The following MIB2 variants were observed in gnomAD, a reference collection of about 807,000 sequenced individuals.
The protein encoded by MIB2 is MIB E3 ubiquitin protein ligase 2, also known as E3 ubiquitin-protein ligase MIB2.
Under a neutral mutation model 96.6 loss-of-function variants are expected in MIB2, and 78 were observed. That is an observed-to-expected ratio of 0.81 (90% confidence interval 0.67 to 0.97). The LOEUF (loss-of-function observed/expected upper bound fraction) is 0.97, where lower values mean the gene tolerates loss of function less well. Among genes scored for constraint, MIB2 ranks in the 50% least tolerant of loss-of-function variants. The pLI is 0.00. For synonymous variants in MIB2, 820 were observed against 629.5 expected (o/e 1.30, Z -4.53); for missense variants, 1,543 against 1,424.0 (o/e 1.08, Z -1.35).
At chr1:1,615,675 G>A (rs1643544765) in intron 1 of MIB2, 42 bp downstream of exon 1, 2 of 1,535,174 alleles carry the variant, frequency 1.3e-6, no homozygotes, top group Non-Finnish European at 8.7e-7. Context: ...CCTCCGCACC[G>A]TCCCCGAGTC....
intron 2 of MIB2, among the ~76,000 whole-genome samples, chr1:1,621,327 C>T (rs375635638): frequency 3.9e-5 from 6 of 152,334 alleles, no homozygotes; most frequent in East Asian, 3.9e-4. Flanking sequence ...GCCGCTCATG[C>T]GGAGGCCCAG....
At position 1,625,809 on chromosome 1, in the gene MIB2, G is replaced by T; in HGVS notation, c.972+156G>T. ...GGGAGGGACTGGTGGGTGGAGGTGG[G>T]TGGGGTCAAGGAGAAGAGGGGGTTG... On this transcript the variant is annotated intron_variant, in intron 8 of 19. Transcript: ENST00000355826. This position sits in a 1 kb window ranked among gnomAD's most constrained non-coding sequence, Gnocchi z 5.0. The T allele has an allele frequency of 3.2e-6, 2 of 632,978 alleles. No individual in the cohort carries two copies. The highest frequency in any genetic ancestry group is 5.5e-6 in the Non-Finnish European group (2 of 361,610). 39.2% of individuals were successfully genotyped at this position (632,978 alleles called of 1,614,324 possible).
intron 2 of MIB2, among the ~76,000 whole-genome samples, chr1:1,621,416 C>G (rs1011726409): frequency 1.6e-4 from 24 of 152,262 alleles, no homozygotes; most frequent in African/African-American, 5.8e-4. Context: ...CACGGGACCC[C>G]TCTCCTTGTC....
At position 1,615,514 on chromosome 1, in the gene MIB2, A is replaced by C; in HGVS notation, c.-249A>C. 9 of 1,529,712 alleles carry C rather than the reference A, an allele frequency of 5.9e-6. No individual in the cohort carries two copies. The highest frequency in any genetic ancestry group is 2.5e-5 in the East Asian group (1 of 40,172). 94.8% of individuals were successfully genotyped at this position (1,529,712 alleles called of 1,614,324 possible). On this transcript the variant is annotated 5_prime_UTR_variant, in exon 1 of 20. Transcript: ENST00000355826. Reference sequence around the variant, plus strand: ...CCTGGGCTCCCGCCCTTCGGGTCCCACAGTTTCCAGCCGCCGCTCTCCTCA... The same window carrying C: ...CCTGGGCTCCCGCCCTTCGGGTCCCCCAGTTTCCAGCCGCCGCTCTCCTCA...
chr1:1,615,732 G>C (rs1463234157), intron 1 of MIB2, 99 bp downstream of exon 1: 1 of 1,485,222 alleles, frequency 6.7e-7, no homozygotes, highest in Non-Finnish European at 8.9e-7. Context: ...TCCCGCTCCC[G>C]CTGGCCCAGC....
rs567371835 is a variant in MIB2 at position 1,627,332 on chromosome 1, G to T, written c.1411G>T (p.Val471Leu). The T allele has an allele frequency of 4.0e-5, 64 of 1,613,192 alleles. No homozygotes were observed. The East Asian group carries it at 1.3e-3, about 33-fold the overall frequency. Residue 471 changes from valine (V) to leucine (L), a missense_variant, in exon 12 of 20, where the codon GTG becomes TTG. By Grantham distance (32) the Val-to-Leu change is conservative. Transcript: ENST00000355826. ...TKNQGRTALQ[V>L]AAYLGQVELI... ...GAACCAAGGCAGGACCGCTCTGCAAGTGGCTGCCTACCTGGGCCAGGTGGA... is the reference window on the plus strand; with the variant it reads ...GAACCAAGGCAGGACCGCTCTGCAATTGGCTGCCTACCTGGGCCAGGTGGA...
intron 2 of MIB2, among the ~76,000 whole-genome samples, chr1:1,622,602 C>T (rs1644358715): frequency 6.6e-6 from 1 of 152,238 alleles, no homozygotes; most frequent in South Asian, 2.1e-4. Flanking sequence ...TGAGCTCTGG[C>T]TTGTGCTCTG....
Position 1,626,946 on chromosome 1 carries a change from G to T in MIB2, c.1187G>T (p.Arg396Leu). The change falls in exon 10 of 20, where the codon CGG becomes CTG. Residue 396 changes from arginine to leucine, a missense_variant. Transcript: ENST00000355826. This position sits in a 1 kb window ranked among gnomAD's most constrained non-coding sequence, Gnocchi z 5.3. ...TFSPSCLVAY[R>L]PEEDANLDVA... The stretch of plus-strand genomic sequence containing the variant: ...AGCCCCTCCTGCCTGGTGGCCTACC[G>T]GCCCGAGGAGGATGCCAACCTGGAC... 1 of 1,610,978 alleles carries T rather than the reference G, an allele frequency of 6.2e-7. No individual in the cohort carries two copies. The highest frequency in any genetic ancestry group is 1.1e-5 in the South Asian group (1 of 90,924).
intron 2 of MIB2, among the ~76,000 whole-genome samples, chr1:1,621,446 A>G (rs1471929938): frequency 6.6e-6 from 1 of 152,224 alleles, no homozygotes; most frequent in Non-Finnish European, 1.5e-5. Context: ...CTGGTGCCAC[A>G]GGAAAAGGAA....
rs1430579524 is a variant in MIB2 at position 1,627,569 on chromosome 1, C to T, written c.1524-104C>T. On this transcript the variant is annotated intron_variant, in intron 12 of 19. Transcript: ENST00000355826. ...GGGGTGAGGCCTGGGAGGGGCCCGG[C>T]GGGGCTGAGCCTGTGCGTCCTGGGG... 3.0e-5 allele frequency: 44 copies of T among 1,479,592 alleles called. No homozygotes were observed. In the East Asian group the frequency reaches 5.6e-4, roughly 19 times the overall value. The allele number at this position is 1,479,592 out of a possible 1,614,324, so 91.7% of individuals were successfully genotyped here. A position where few individuals can be genotyped will look rare whatever the true frequency, so the allele number is the denominator to read the frequency against.
intron 2 of MIB2, 21 bp downstream of exon 2, chr1:1,616,635 G>T: frequency 6.4e-7 from 1 of 1,554,990 alleles, no homozygotes; most frequent in East Asian, 2.4e-5. Context: ...GATCGTCCGC[G>T]GCCTGATAGT....
In MIB2 at chr1:1,616,568, C is replaced by T; in HGVS notation, c.-69C>T. ...AAGTTTCCAGGCATCAGGGCTGCAG[C>T]CCAGGAGCCTCAAGGCGGCCCGGCG... On this transcript the variant is annotated 5_prime_UTR_variant, in exon 2 of 20. Transcript: ENST00000355826. 5 of 1,604,300 alleles carry T rather than the reference C, an allele frequency of 3.1e-6. No individual in the cohort carries two copies. Among genetic ancestry groups the T allele is most frequent in the Non-Finnish European group, 4.3e-6 (5 of 1,175,896 alleles).
In MIB2 at chr1:1,625,582, G is replaced by T; in HGVS notation, c.901G>T (p.Asp301Tyr). ...GACGGGCACCGTGCATCGTATCACG[G>T]ACCGCGGGGACGTGCGCGTGCAGTT... Reference protein sequence around the residue: ...GQTGTVHRITDRGDVRVQFNH... With the variant: ...GQTGTVHRITYRGDVRVQFNH... Residue 301 changes from aspartate to tyrosine, a missense_variant, in exon 8 of 20, where the codon GAC (aspartate) becomes TAC (tyrosine). Coordinates refer to ENST00000355826, the MANE Select transcript of MIB2 (RefSeq NM_001170687.4). This position sits in a 1 kb window ranked among gnomAD's most constrained non-coding sequence, Gnocchi z 5.0. The T allele has an allele frequency of 6.3e-7, 1 of 1,584,524 alleles. No individual in the cohort carries two copies.
At position 1,630,513 on chromosome 1, in the gene MIB2, A is replaced by G. The variant is rs773714856; in HGVS notation, c.2851A>G (p.Ile951Val). Residue 951 changes from isoleucine (I) to valine (V), a missense_variant, in exon 20 of 20, where the codon ATC becomes GTC. Physicochemically the swap from Ile to Val is conservative, Grantham distance 29. Coordinates refer to ENST00000355826, the MANE Select transcript of MIB2 (RefSeq NM_001170687.4). Reference protein sequence around the residue: ...PICRQPIRDRIQIFV With the variant: ...PICRQPIRDRVQIFV ...CTGCCGCCAGCCCATCCGCGACCGC[A>G]TCCAGATCTTCGTGTGAGCCGCGCC... is the stretch of plus-strand genomic sequence containing the variant. 2.7e-5 allele frequency: 43 copies of G among 1,587,486 alleles called. No homozygotes were observed. The highest frequency in any genetic ancestry group is 2.6e-6 in the Non-Finnish European group (3 of 1,173,444).
At chr1:1,617,560 C>A (rs376176011) in intron 2 of MIB2, 3 of 152,204 alleles carry the variant, frequency 2.0e-5, no homozygotes, top group African/African-American at 7.2e-5. Flanking sequence ...CCATTTTCTC[C>A]AGCCTGGCTT....
upstream of MIB2, chr1:1,614,061 AAG>A (rs1643398973): frequency 6.8e-6 from 1 of 146,792 alleles, no homozygotes; most frequent in African/African-American, 2.5e-5. Flanking sequence ...ATTAACTCAA[AAG>A]AAAAAAAAAG....
chr1:1,616,472 C>T, intron 1 of MIB2, 36 bp from the exon 2 acceptor site: 1 of 1,447,016 alleles, frequency 6.9e-7, no homozygotes, highest in Non-Finnish European at 9.3e-7. Context: ...GGTCGAGGTG[C>T]TAACTGTGCA....
At chr1:1,617,660 A>C (rs1440019147) in intron 2 of MIB2, 1 of 152,198 alleles carries the variant, frequency 6.6e-6, no homozygotes, top group Non-Finnish European at 1.5e-5. Context: ...TCTGTGACCC[A>C]GGAAGTAGCA....
At chr1:1,627,860 C>T in intron 13 of MIB2, 31 bp downstream of exon 13, 8 of 1,596,154 alleles carry the variant, frequency 5.0e-6, no homozygotes, top group South Asian at 1.1e-5. Context: ...TGGGTGCCCC[C>T]TGCCCGTGAG....
Sources: allele counts gnomAD v4.1 joint callset (sites outside exome capture counted in the v4.1 genomes callset), GRCh38; gene constraint gnomAD v4.1.1; non-coding constraint Gnocchi (gnomAD v3.1); transcripts MANE v1.5; gene names NCBI Gene and HGNC (gene_info 2026-07-23, HGNC 2026-07-21).